The following TAFA1 variants were observed in gnomAD, a reference collection of about 807,000 sequenced individuals.
The protein encoded by TAFA1 is TAFA chemokine like family member 1, also known as chemokine-like protein TAFA-1.
A neutral mutation model predicts 18.5 loss-of-function variants in TAFA1; 4 were observed. The ratio of observed to expected loss-of-function variants is 0.22; its 90% CI spans 0.11 to 0.49. The LOEUF (loss-of-function observed/expected upper bound fraction) is 0.49. Among genes scored for constraint, TAFA1 ranks in the 20% least tolerant of loss-of-function variants. The pLI is 0.98. For missense variants in TAFA1, 147 were observed against 169.0 expected (o/e 0.87, Z 0.72); for synonymous variants, 56 against 55.2 (o/e 1.01, Z -0.06).
intron 2 of TAFA1, among the ~76,000 whole-genome samples, chr3:68,354,157 A>G (rs978934306): frequency 1.3e-5 from 2 of 150,362 alleles, no homozygotes; most frequent in African/African-American, 2.4e-5. Context: ...TATTTTTCTA[A>G]TTTTTTTTTT....
chr3:68,355,093 A>G (rs1476464944), intron 2 of TAFA1, among the ~76,000 whole-genome samples: 3 of 151,886 alleles, frequency 2.0e-5, no homozygotes. Context: ...TTCACTGTGG[A>G]CATATGGGAA....
At chr3:68,349,557 A>T (rs1005738374) in intron 2 of TAFA1, among the ~76,000 whole-genome samples, 2 of 152,110 alleles carry the variant, frequency 1.3e-5, no homozygotes, top group Admixed American at 1.3e-4. Flanking sequence ...TGGCATTTTA[A>T]AATTTCATAG....
chr3:68,186,152 C>T (rs1286750158), intron 2 of TAFA1, among the ~76,000 whole-genome samples: 1 of 152,074 alleles, frequency 6.6e-6, no homozygotes, highest in East Asian at 1.9e-4. Context: ...TTAGCTCCCC[C>T]TTTGGTGTGC....
At chr3:68,188,777 T>G (rs77506903) in intron 2 of TAFA1, among the ~76,000 whole-genome samples, 242 of 152,046 alleles carry the variant, frequency 1.6e-3, no homozygotes, top group Non-Finnish European at 2.9e-3. Flanking sequence ...CAATGACTTT[T>G]GATGCTGACC....
rs74932462 is a variant in TAFA1 at position 68,181,134 on chromosome 3, A to T, written c.118+174390A>T. The stretch of plus-strand genomic sequence containing the variant: ...TGCCAACAAGCACATGAGTGAGTAG[A>T]TCCTTCTCCAGTTAAGCTTTGAGAT... On this transcript the variant is annotated intron_variant, in intron 2 of 4. Coordinates refer to ENST00000478136, the MANE Select transcript of TAFA1 (RefSeq NM_213609.4). 3.1e-4 allele frequency among the ~76,000 whole-genome samples: 47 copies of T among 152,240 alleles called. 1 individual carries two copies. The East Asian group carries it at 8.1e-3, about 26-fold the overall frequency.
chr3:68,329,428 C>T (rs1289000986), intron 2 of TAFA1, among the ~76,000 whole-genome samples: 4 of 151,956 alleles, frequency 2.6e-5, no homozygotes, highest in African/African-American at 4.8e-5. Context: ...AAGACTGCCC[C>T]TCAAGGATAA....
At chr3:68,076,656 T>C (rs866364576) in intron 2 of TAFA1, among the ~76,000 whole-genome samples, 1 of 152,392 alleles carries the variant, frequency 6.6e-6, no homozygotes, top group East Asian at 1.9e-4. Flanking sequence ...TTTATGGCTG[T>C]ATAGTATTCC....
chr3:68,027,454 G>T (rs1052634388), intron 2 of TAFA1, among the ~76,000 whole-genome samples: 1 of 152,212 alleles, frequency 6.6e-6, no homozygotes, highest in South Asian at 2.1e-4. Flanking sequence ...CAGGCTAATT[G>T]TTTGTCATTG....
At chr3:68,335,186 A>G (rs1429052161) in intron 2 of TAFA1, among the ~76,000 whole-genome samples, 1 of 152,210 alleles carries the variant, frequency 6.6e-6, no homozygotes, top group African/African-American at 2.4e-5. Context: ...TCATAGGATA[A>G]GCTAATAATT....
At chr3:68,321,676 C>A (rs2106707081) in intron 2 of TAFA1, among the ~76,000 whole-genome samples, 1 of 152,262 alleles carries the variant, frequency 6.6e-6, no homozygotes, top group African/African-American at 2.4e-5. Context: ...ATTCTCTTTT[C>A]CTGACCATGT....
intron 2 of TAFA1, among the ~76,000 whole-genome samples, chr3:68,078,028 C>T (rs1293971347): frequency 6.6e-6 from 1 of 151,914 alleles, no homozygotes; most frequent in Non-Finnish European, 1.5e-5. Context: ...TCCTTCACAT[C>T]CCTTGTAAGC....
the TAFA1 span, among the ~76,000 whole-genome samples, chr3:67,992,462 G>T: frequency 2.9e-4 from 44 of 152,186 alleles, 1 homozygote; most frequent in South Asian, 4.8e-3. Flanking sequence ...CCTGAGTTTT[G>T]TCTTGATTCC....
At chr3:68,475,922 A>AT (rs2072085844) in intron 3 of TAFA1, among the ~76,000 whole-genome samples, 1 of 152,122 alleles carries the variant, frequency 6.6e-6, no homozygotes, top group African/African-American at 2.4e-5. Context: ...GATGAGGAGC[A>AT]TTTTTTCATG....
intron 2 of TAFA1, among the ~76,000 whole-genome samples, chr3:68,007,059 A>G (rs764168688): frequency 6.6e-6 from 1 of 152,218 alleles, no homozygotes; most frequent in South Asian, 2.1e-4. Flanking sequence ...AGTTGGAATA[A>G]CTTTCAATAC....
At chr3:68,453,400 C>T (rs2071600092) in intron 3 of TAFA1, among the ~76,000 whole-genome samples, 1 of 152,168 alleles carries the variant, frequency 6.6e-6, no homozygotes, top group Admixed American at 6.5e-5. Flanking sequence ...CTGTTCTGAT[C>T]AAAATGCAAG....
intron 2 of TAFA1, among the ~76,000 whole-genome samples, chr3:68,413,099 T>G (rs1349092508): frequency 6.6e-6 from 1 of 152,096 alleles, no homozygotes; most frequent in Admixed American, 6.6e-5. Flanking sequence ...TCTCATTGTG[T>G]TTTTGATTTG....
intron 3 of TAFA1, among the ~76,000 whole-genome samples, chr3:68,538,109 G>T (rs996490984): frequency 1.3e-5 from 2 of 152,132 alleles, no homozygotes; most frequent in African/African-American, 4.8e-5. Context: ...AGGACTGGTT[G>T]GGTCCTGAGT....
intron 2 of TAFA1, among the ~76,000 whole-genome samples, chr3:68,154,643 C>T (rs2065845436): frequency 6.6e-6 from 1 of 152,162 alleles, no homozygotes; most frequent in African/African-American, 2.4e-5. Context: ...GCCATATAGC[C>T]ATCTGCTCAG....
rs1332226321 is a variant in TAFA1, at chr3:68,258,804, G to C, written c.119-158476G>C. 2.0e-5 allele frequency among the ~76,000 whole-genome samples: 3 copies of C among 152,188 alleles called. No homozygotes were observed. In the East Asian group the frequency reaches 5.8e-4, roughly 29 times the overall value. ...TCACTTTCTTCCTTGGGATGTCACA[G>C]AACTGAACTCTATCAGAAATATGCT... On this transcript the variant is annotated intron_variant, in intron 2 of 4. Transcript: ENST00000478136.
Sources: allele counts gnomAD v4.1 joint callset (sites outside exome capture counted in the v4.1 genomes callset), GRCh38; gene constraint gnomAD v4.1.1; transcripts MANE v1.5; gene names NCBI Gene and HGNC (gene_info 2026-07-23, HGNC 2026-07-21).